ALDH7A1: variants seen among roughly 807,000 people sequenced by gnomAD.
ALDH7A1 encodes the protein aldehyde dehydrogenase 7 family member A1.
ALDH7A1 carries 63 observed loss-of-function variants against 79.9 expected under a neutral mutation model. That is an observed-to-expected ratio of 0.79 (90% CI 0.64 to 0.97). ALDH7A1 has a LOEUF of 0.97. Ranked by LOEUF, ALDH7A1 falls within the 50% of genes least tolerant of loss-of-function variation. ALDH7A1 has a pLI of 0.00. For missense variants in ALDH7A1, 627 were observed against 665.2 expected (o/e 0.94, Z 0.63); for synonymous variants, 240 against 231.2 (o/e 1.04, Z -0.34).
intron 6 of ALDH7A1, among the ~76,000 whole-genome samples, chr5:126,576,552 A>T (rs1750976629): frequency 6.6e-6 from 1 of 152,054 alleles, no homozygotes; most frequent in Non-Finnish European, 1.5e-5. Context: ...TTACTATCAG[A>T]TATTTTGCAG....
intron 9 of ALDH7A1, among the ~76,000 whole-genome samples, chr5:126,566,914 A>G (rs10050872): frequency 0.21 from 31,407 of 152,164 alleles, 6,210 homozygotes; most frequent in African/African-American, 0.52. Context: ...ATAAGTGTAA[A>G]AAGTAAAGTA....
At chr5:126,582,710 T>A in intron 5 of ALDH7A1, 141 bp downstream of exon 5, 4 of 989,830 alleles carry the variant, frequency 4.0e-6, no homozygotes, top group Non-Finnish European at 6.1e-6. Context: ...TTTGCATTTC[T>A]TTGAAAGATT....
chr5:126,574,512 G>A (rs748422040), intron 7 of ALDH7A1, among the ~76,000 whole-genome samples: 3 of 151,610 alleles, frequency 2.0e-5, no homozygotes, highest in East Asian at 1.9e-4. Context: ...TGGCTAACAC[G>A]GTGAAACCCC....
At chr5:126,579,234 G>C (rs1213826648) in intron 5 of ALDH7A1, among the ~76,000 whole-genome samples, 2 of 152,178 alleles carry the variant, frequency 1.3e-5, no homozygotes, top group Non-Finnish European at 2.9e-5. Context: ...AAATAAGCCA[G>C]ACCCTCTCAG....
chr5:126,582,363 G>A (rs1751206854), intron 5 of ALDH7A1, among the ~76,000 whole-genome samples: 1 of 152,122 alleles, frequency 6.6e-6, no homozygotes, highest in Non-Finnish European at 1.5e-5. Flanking sequence ...TAAAAGTGTG[G>A]GTTAGGGGAA....
intron 17 of ALDH7A1, among the ~76,000 whole-genome samples, chr5:126,545,950 T>C (rs1045697851): frequency 6.6e-6 from 1 of 151,976 alleles, no homozygotes; most frequent in South Asian, 2.1e-4. Context: ...CAATCTCTAC[T>C]AAAAATACAA....
intron 1 of ALDH7A1, chr5:126,594,281 CAGGA>C (rs761390661): frequency 2.3e-5 from 11 of 470,826 alleles, no homozygotes; most frequent in Non-Finnish European, 4.4e-5. Flanking sequence ...CCAAAGAATT[CAGGA>C]AGGAAGATAA....
In ALDH7A1 at chr5:126,543,992, G is replaced by T. The variant is rs1307658858; in HGVS notation, c.*973C>A. 1 of 131,014 alleles carries T rather than the reference G, an allele frequency of 7.6e-6. No individual in the cohort carries two copies. The highest frequency in any genetic ancestry group is 2.8e-5 in the African/African-American group (1 of 35,318). 8.1% of individuals were successfully genotyped at this position (131,014 alleles called of 1,614,324 possible). ...TTTTTTTTTTTTTTTTTTGTAGACA[G>T]GATCTCACTGTTGCCCAGGCAGTGG... On this transcript the variant is annotated 3_prime_UTR_variant, in exon 18 of 18. Transcript: ENST00000409134.
chr5:126,575,392 C>G (rs762234091), intron 7 of ALDH7A1, 28 bp downstream of exon 7: 2 of 1,607,032 alleles, frequency 1.2e-6, no homozygotes. Flanking sequence ...ATTCCATACC[C>G]AGGAAAAAGA....
In ALDH7A1 at chr5:126,571,851, A is replaced by G. The variant is rs1469034104; in HGVS notation, c.696-992T>C. On this transcript the variant is annotated intron_variant, in intron 7 of 17. Transcript: ENST00000409134. ...CCCCAAAACCTAAAGTAAATGCCACAGACACAAAAGAAGGAGCTGGGGCCA... is the reference window on the plus strand; with the variant it reads ...CCCCAAAACCTAAAGTAAATGCCACGGACACAAAAGAAGGAGCTGGGGCCA... 2.0e-5 allele frequency among the ~76,000 whole-genome samples: 3 copies of G among 152,190 alleles called. No homozygotes were observed. In the East Asian group the frequency reaches 5.8e-4, roughly 29 times the overall value.
chr5:126,549,658 C>T (rs1749921227), intron 16 of ALDH7A1: 1 of 385,428 alleles, frequency 2.6e-6, no homozygotes, highest in African/African-American at 2.0e-5. Context: ...GGAAACTTCT[C>T]CCCAGAAAAC....
intron 3 of ALDH7A1, chr5:126,588,029 T>A (rs1199030577): frequency 6.6e-6 from 1 of 152,068 alleles, no homozygotes; most frequent in Non-Finnish European, 1.5e-5. Context: ...ACCAGAAGTA[T>A]GAGAAAGGAT....
intron 1 of ALDH7A1, 105 bp downstream of exon 1, chr5:126,594,899 CATG>C (rs1220537084): frequency 7.0e-7 from 1 of 1,432,920 alleles, no homozygotes; most frequent in African/African-American, 1.4e-5. Context: ...CAAAATCTCC[CATG>C]CTACTACCGC....
intron 10 of ALDH7A1, among the ~76,000 whole-genome samples, chr5:126,560,528 C>T (rs1362042314): frequency 6.6e-6 from 1 of 152,148 alleles, no homozygotes; most frequent in Non-Finnish European, 1.5e-5. Context: ...ATATCTTACA[C>T]ATACTTCTTA....
chr5:126,548,474 T>G (rs112210888), intron 16 of ALDH7A1, among the ~76,000 whole-genome samples: 2 of 150,852 alleles, frequency 1.3e-5, no homozygotes, highest in Admixed American at 1.3e-4. Context: ...GTCCCCAGAC[T>G]TGAGTGCACT....
intron 5 of ALDH7A1, among the ~76,000 whole-genome samples, chr5:126,579,256 GC>G (rs1751088311): frequency 6.6e-6 from 1 of 152,130 alleles, no homozygotes. Flanking sequence ...CTTCACACAG[GC>G]TTCTTCCTTC....
chr5:126,570,772 A>G lies in ALDH7A1; in HGVS notation c.773+10T>C. The G allele has an allele frequency of 6.2e-7, 1 of 1,613,878 alleles. No individual in the cohort carries two copies. The highest frequency in any genetic ancestry group is 1.1e-5 in the South Asian group (1 of 91,076). ...CTTCAACAGAGGATGCTCTCAGCCT[A>G]GTAACCTACCCAATATCTGCTCCAC... On this transcript the variant is annotated intron_variant, in intron 8 of 17. Coordinates refer to ENST00000409134, the MANE Select transcript of ALDH7A1 (RefSeq NM_001182.5).
chr5:126,594,438 A>ATTTTT (rs34684581), intron 1 of ALDH7A1: 59 of 185,618 alleles, frequency 3.2e-4, no homozygotes, highest in East Asian at 7.6e-4. Context: ...TAAGGTTTTA[A>ATTTTT]TTTTTTTTTT....
At chr5:126,566,173 T>A (rs1034953045) in intron 9 of ALDH7A1, among the ~76,000 whole-genome samples, 1 of 152,222 alleles carries the variant, frequency 6.6e-6, no homozygotes, top group African/African-American at 2.4e-5. Context: ...GTGGACCATA[T>A]TGAAACCTTA....
Sources: allele counts gnomAD v4.1 joint callset (sites outside exome capture counted in the v4.1 genomes callset), GRCh38; gene constraint gnomAD v4.1.1; transcripts MANE v1.5; gene names NCBI Gene and HGNC (gene_info 2026-07-23, HGNC 2026-07-21).